Variants in SCAF8 observed in about 807,000 individuals in gnomAD.
The protein encoded by SCAF8 is SR-related CTD associated factor 8.
SCAF8 carries 23 observed loss-of-function variants against 140.5 expected under a neutral mutation model. The ratio of observed to expected loss-of-function variants is 0.16; its 90% CI spans 0.12 to 0.23. The LOEUF (loss-of-function observed/expected upper bound fraction) is 0.23. SCAF8 is among the 10% of genes least tolerant of loss of function. SCAF8 has a pLI of 1.00. For missense variants in SCAF8, 1,397 were observed against 1,555.7 expected, an observed-to-expected ratio of 0.90 and a Z score of 1.72; for synonymous variants, 575 against 528.9, an observed-to-expected ratio of 1.09 and a Z score of -1.20.
At chr6:154,798,457 G>A (rs1039860734) in intron 6 of SCAF8, among the ~76,000 whole-genome samples, 1 of 151,302 alleles carries the variant, frequency 6.6e-6, no homozygotes. Context: ...ATGGAAATGC[G>A]ATTTTTCCAT....
intron 1 of SCAF8, among the ~76,000 whole-genome samples, chr6:154,734,499 A>G (rs937141536): frequency 2.0e-5 from 3 of 152,194 alleles, no homozygotes. Flanking sequence ...TAGGCAGGCA[A>G]AGGTTATTCT....
intron 1 of SCAF8, among the ~76,000 whole-genome samples, chr6:154,743,010 C>CTCTT (rs1281220643): frequency 6.6e-6 from 1 of 152,084 alleles, no homozygotes; most frequent in Non-Finnish European, 1.5e-5. Context: ...AAACCATGCC[C>CTCTT]TCTTGGAGCC....
chr6:154,792,727 C>A, intron 4 of SCAF8, 96 bp from the exon 5 acceptor site: 1 of 793,086 alleles, frequency 1.3e-6, no homozygotes, highest in Non-Finnish European at 1.9e-6. Flanking sequence ...ATTTTAATTT[C>A]TCCTTTCCAT....
At chr6:154,745,075 A>G (rs1778663120) in intron 1 of SCAF8, among the ~76,000 whole-genome samples, 1 of 152,218 alleles carries the variant, frequency 6.6e-6, no homozygotes, top group Non-Finnish European at 1.5e-5. Context: ...CATACCAATA[A>G]TGTCCTTACT....
chr6:154,785,463 G>A (rs1278241544), intron 3 of SCAF8, among the ~76,000 whole-genome samples: 1 of 152,178 alleles, frequency 6.6e-6, no homozygotes, highest in African/African-American at 2.4e-5. Flanking sequence ...CGCAATGCAT[G>A]GGTTTGTGGT....
At chr6:154,781,364 T>A (rs1777078913) in intron 3 of SCAF8, among the ~76,000 whole-genome samples, 1 of 152,152 alleles carries the variant, frequency 6.6e-6, no homozygotes, top group Non-Finnish European at 1.5e-5. Context: ...GGAAAAACAT[T>A]CTATCCTCAT....
At chr6:154,802,887 A>C (rs1234764605) in intron 7 of SCAF8, among the ~76,000 whole-genome samples, 4 of 152,176 alleles carry the variant, frequency 2.6e-5, no homozygotes, top group African/African-American at 9.7e-5. Context: ...AACTATAATA[A>C]GTTGATGCCT....
Position 154,832,346 on chromosome 6 carries a change from A to ATGT in SCAF8, c.2769_2771dup (p.Leu924dup), listed in dbSNP as rs1472420607. On this transcript the variant is annotated inframe_insertion, in exon 20 of 20. Coordinates refer to ENST00000367178, the MANE Select transcript of SCAF8 (RefSeq NM_014892.5). ...TAATCAAAGGATGCCCACAATGCCA[A>ATGT]TGTTAGACATTCGTCCGGGACTAAT... The ATGT allele has an allele frequency of 1.8e-5, 29 of 1,613,898 alleles. No homozygotes were observed. The highest frequency in any genetic ancestry group is 4.0e-5 in the African/African-American group (3 of 74,920).
At chr6:154,784,664 G>A (rs1777199698) in intron 3 of SCAF8, among the ~76,000 whole-genome samples, 4 of 152,148 alleles carry the variant, frequency 2.6e-5, no homozygotes. Flanking sequence ...CAGTAATCTA[G>A]AGCTGATTTA....
intron 2 of SCAF8, among the ~76,000 whole-genome samples, chr6:154,777,661 T>G (rs554842045): frequency 1.9e-4 from 29 of 152,362 alleles, no homozygotes; most frequent in South Asian, 1.7e-3. Flanking sequence ...AATATAAGAA[T>G]ATACACCCAC....
intron 1 of SCAF8, among the ~76,000 whole-genome samples, chr6:154,751,039 A>G (rs1161366326): frequency 1.3e-5 from 2 of 152,174 alleles, no homozygotes; most frequent in South Asian, 2.1e-4. Flanking sequence ...ATTTTCATTT[A>G]TACACCAGTG....
At position 154,802,166 on chromosome 6, in the gene SCAF8, G is replaced by A; in HGVS notation, c.783+19G>A. ...TAACAAGGTAGAAATTAAAATATCG[G>A]ATCAAGTCTATATGAATTATTAAAT... is the stretch of plus-strand genomic sequence containing the variant. On this transcript the variant is annotated intron_variant, in intron 7 of 19. Transcript: ENST00000367178. The A allele has an allele frequency of 6.7e-7, 1 of 1,500,118 alleles. No individual in the cohort carries two copies. The highest frequency in any genetic ancestry group is 9.0e-7 in the Non-Finnish European group (1 of 1,106,318). The allele number at this position is 1,500,118 out of a possible 1,614,324, so 92.9% of individuals were successfully genotyped here.
At chr6:154,774,119 T>C in intron 2 of SCAF8, 47 bp downstream of exon 2, 1 of 1,220,476 alleles carries the variant, frequency 8.2e-7, no homozygotes, top group Non-Finnish European at 1.2e-6. Context: ...AAAAACTATA[T>C]TAATAGTTTG....
intron 1 of SCAF8, among the ~76,000 whole-genome samples, chr6:154,747,675 A>G (rs1009327425): frequency 6.6e-6 from 1 of 152,212 alleles, no homozygotes; most frequent in African/African-American, 2.4e-5. Flanking sequence ...ATAATCGAGC[A>G]GAACAGTATA....
Position 154,803,695 on chromosome 6 carries a change from T to A in SCAF8, c.863+72T>A, listed in dbSNP as rs551292865. ...ATGTTGCCATCTGAATTACTAAGTA[T>A]ACTTAGTAAGTTGGGATTATTATTT... On this transcript the variant is annotated intron_variant, in intron 8 of 19. Coordinates refer to ENST00000367178, the MANE Select transcript of SCAF8 (RefSeq NM_014892.5). The A allele has an allele frequency of 3.6e-5, 32 of 879,534 alleles. No homozygotes were observed. In the Admixed American group the frequency reaches 4.8e-4, roughly 13 times the overall value. The allele number at this position is 879,534 out of a possible 1,614,324, so 54.5% of individuals were successfully genotyped here.
intron 16 of SCAF8, among the ~76,000 whole-genome samples, chr6:154,823,380 G>C (rs542979986): frequency 6.6e-6 from 1 of 152,308 alleles, no homozygotes; most frequent in East Asian, 1.9e-4. Context: ...TTAAAAGACA[G>C]TTGTAGCAAT....
chr6:154,789,467 A>T (rs1217607231), intron 4 of SCAF8, among the ~76,000 whole-genome samples: 1 of 151,972 alleles, frequency 6.6e-6, no homozygotes, highest in African/African-American at 2.4e-5. Context: ...ATACTCCTTG[A>T]GACAGAAAGT....
chr6:154,740,630 T>TC (rs993068615), intron 1 of SCAF8, among the ~76,000 whole-genome samples: 3 of 151,048 alleles, frequency 2.0e-5, no homozygotes, highest in African/African-American at 7.3e-5. Context: ...TTTTTCTTTT[T>TC]TTTTTTTTTG....
intron 1 of SCAF8, among the ~76,000 whole-genome samples, chr6:154,767,144 A>G (rs1455014275): frequency 2.0e-5 from 3 of 152,074 alleles, no homozygotes; most frequent in Admixed American, 2.0e-4. Flanking sequence ...AACCAGTCCA[A>G]AAAAAAGCAT....
Sources: allele counts gnomAD v4.1 joint callset (sites outside exome capture counted in the v4.1 genomes callset), GRCh38; gene constraint gnomAD v4.1.1; transcripts MANE v1.5; gene names NCBI Gene and HGNC (gene_info 2026-07-23, HGNC 2026-07-21).